The following FER variants were observed in gnomAD, a reference collection of about 807,000 sequenced individuals.
FER encodes the protein FER tyrosine kinase.
In FER, 63 loss-of-function variants were observed where a neutral mutation model predicts 111.0. The ratio of observed to expected loss-of-function variants is 0.57; its 90% CI spans 0.46 to 0.70. The LOEUF is 0.70. FER is among the 30% of genes least tolerant of loss of function. The pLI is 0.00. For missense variants in FER, 914 were observed against 954.0 expected (o/e 0.96, Z 0.55); for synonymous variants, 327 against 313.9 (o/e 1.04, Z -0.44).
At chr5:109,125,617 G>T (rs1264621046) in intron 17 of FER, among the ~76,000 whole-genome samples, 1 of 152,180 alleles carries the variant, frequency 6.6e-6, no homozygotes, top group Non-Finnish European at 1.5e-5. Flanking sequence ...AAAGTGTTTG[G>T]CACAGTGCTT....
chr5:109,120,052 GTATTTTCTTCTGTATTATCTCTTCACTT>G (rs1345200078), intron 17 of FER, among the ~76,000 whole-genome samples: 4 of 151,956 alleles, frequency 2.6e-5, no homozygotes, highest in Non-Finnish European at 5.9e-5. Flanking sequence ...TAGTTAGCAA[GTATTTTCTTCTGTATTATCTCTTCACTT>G]TATTTTCTTT....
At chr5:108,877,476 T>G (rs1323510368) in intron 8 of FER, among the ~76,000 whole-genome samples, 1 of 152,228 alleles carries the variant, frequency 6.6e-6, no homozygotes, top group Non-Finnish European at 1.5e-5. Flanking sequence ...CACTTGGTTG[T>G]AGAAGCCATC....
intron 18 of FER, among the ~76,000 whole-genome samples, chr5:109,183,856 T>C (rs1046967072): frequency 6.6e-6 from 1 of 152,074 alleles, no homozygotes; most frequent in Admixed American, 6.5e-5. Flanking sequence ...AAAAAGAAAA[T>C]CAAGCAATAC....
At chr5:109,146,266 A>ATATATATATATATATG (rs1754171390) in intron 17 of FER, among the ~76,000 whole-genome samples, 1 of 88,202 alleles carries the variant, frequency 1.1e-5, no homozygotes, top group Non-Finnish European at 2.3e-5. Context: ...ATATATATAT[A>ATATATATATATATATG]TATATATATA....
intron 13 of FER, 86 bp downstream of exon 13, chr5:108,959,433 G>C (rs1219581397): frequency 2.2e-6 from 3 of 1,367,276 alleles, no homozygotes; most frequent in Admixed American, 4.9e-5. Context: ...AAATTCTTAG[G>C]TTATATGCTA....
chr5:108,844,001 T>A (rs530944904), intron 5 of FER, among the ~76,000 whole-genome samples: 1 of 152,260 alleles, frequency 6.6e-6, no homozygotes, highest in Non-Finnish European at 1.5e-5. Context: ...CCTCTTTCTA[T>A]GTATATATAT....
At chr5:109,146,250 TCTA>T (rs560130701) in intron 17 of FER, among the ~76,000 whole-genome samples, 4 of 63,458 alleles carry the variant, frequency 6.3e-5, no homozygotes, top group African/African-American at 2.9e-4. Context: ...ATATAATCTA[TCTA>T]ATATATATAT....
intron 3 of FER, among the ~76,000 whole-genome samples, chr5:108,821,585 GTATT>G (rs1758852635): frequency 6.6e-6 from 1 of 151,900 alleles, no homozygotes; most frequent in Admixed American, 6.6e-5. Flanking sequence ...TCTTTGATCT[GTATT>G]TATTTTTCAT....
chr5:109,150,999 T>C (rs57781150), intron 17 of FER, among the ~76,000 whole-genome samples: 4,892 of 152,270 alleles, frequency 0.032, 112 homozygotes, highest in Middle Eastern at 0.092. Context: ...TAATGAAATA[T>C]AGACCAAGTA....
At chr5:108,876,484 G>A (rs1207339525) in intron 8 of FER, among the ~76,000 whole-genome samples, 3 of 152,104 alleles carry the variant, frequency 2.0e-5, no homozygotes, top group Admixed American at 6.6e-5. Flanking sequence ...ACACATATCA[G>A]TATACTGTGG....
At chr5:109,019,645 T>C (rs1382694156) in intron 13 of FER, among the ~76,000 whole-genome samples, 1 of 151,732 alleles carries the variant, frequency 6.6e-6, no homozygotes, top group Non-Finnish European at 1.5e-5. Context: ...TTTTACAAGC[T>C]CTCCAGTTGA....
intron 9 of FER, among the ~76,000 whole-genome samples, chr5:108,893,555 C>G (rs376114281): frequency 2.0e-5 from 3 of 152,000 alleles, no homozygotes; most frequent in Non-Finnish European, 4.4e-5. Flanking sequence ...AAATGTCTCT[C>G]AGAAGCAGGC....
At chr5:109,125,892 C>T (rs1328554438) in intron 17 of FER, among the ~76,000 whole-genome samples, 3 of 152,126 alleles carry the variant, frequency 2.0e-5, no homozygotes, top group East Asian at 3.8e-4. Context: ...CTGACTGTTT[C>T]GGGACTCTTT....
chr5:108,837,013 T>C (rs1760735035), intron 5 of FER, among the ~76,000 whole-genome samples: 1 of 152,222 alleles, frequency 6.6e-6, no homozygotes, highest in Non-Finnish European at 1.5e-5. Flanking sequence ...TTATGGTCTC[T>C]ATTAATGTAG....
At chr5:108,939,991 C>T (rs527347127) in intron 10 of FER, among the ~76,000 whole-genome samples, 5 of 152,080 alleles carry the variant, frequency 3.3e-5, no homozygotes, top group South Asian at 2.1e-4. Context: ...ATCTTTATTG[C>T]GTCCTTGTGA....
chr5:109,067,643 T>C (rs961927445), intron 16 of FER, among the ~76,000 whole-genome samples: 1 of 152,154 alleles, frequency 6.6e-6, no homozygotes, highest in Admixed American at 6.5e-5. Flanking sequence ...ATTAGTTTTC[T>C]AATCATCTGC....
intron 17 of FER, among the ~76,000 whole-genome samples, chr5:109,120,566 A>C (rs1359328521): frequency 6.6e-6 from 1 of 151,972 alleles, no homozygotes; most frequent in Non-Finnish European, 1.5e-5. Flanking sequence ...TTGCTTAGGA[A>C]AGCATTGACT....
At position 109,189,650 on chromosome 5, in the gene FER, T is replaced by C. The variant is rs1759233430; in HGVS notation, c.*2075T>C. 6.6e-6 allele frequency: 1 copy of C among 152,198 alleles called. No homozygotes were observed. The highest frequency in any genetic ancestry group is 1.5e-5 in the Non-Finnish European group (1 of 68,024). The allele number at this position is 152,198 out of a possible 1,614,324, so 9.4% of individuals were successfully genotyped here. A position where few individuals can be genotyped will look rare whatever the true frequency, so the allele number is the denominator to read the frequency against. ...AAGTAAGAGTAAAATGGGATATTCC[T>C]ACCCTTTTTTTTAGTATTTCTAAGT... On this transcript the variant is annotated 3_prime_UTR_variant, in exon 20 of 20. Transcript: ENST00000281092.
chr5:108,754,053 TGA>T (rs765567447), intron 1 of FER, among the ~76,000 whole-genome samples: 2 of 152,182 alleles, frequency 1.3e-5, no homozygotes, highest in Non-Finnish European at 2.9e-5. Flanking sequence ...TGCAGATGAT[TGA>T]GAGTGACATC....
Sources: gnomAD v4.1 joint callset for allele counts (sites outside exome capture counted in the v4.1 genomes callset) on GRCh38, gnomAD v4.1.1 for gene constraint, MANE v1.5 for transcripts, NCBI Gene and HGNC (gene_info 2026-07-23, HGNC 2026-07-21) for gene names.